NDUFB3: variants seen among roughly 807,000 people sequenced by gnomAD.
NDUFB3 encodes NADH:ubiquinone oxidoreductase subunit B3.
In NDUFB3, 7 loss-of-function variants were observed where a neutral mutation model predicts 9.0. The ratio of observed to expected loss-of-function variants is 0.78; its 90% CI spans 0.44 to 1.46. The LOEUF (loss-of-function observed/expected upper bound fraction) is 1.46. NDUFB3 is among the 40% of genes most tolerant of loss of function. The pLI, the probability that NDUFB3 is intolerant of heterozygous loss-of-function variation, is 0.01. For missense variants in NDUFB3, 93 were observed against 115.4 expected (o/e 0.81, Z 0.89); for synonymous variants, 29 against 38.5 (o/e 0.75, Z 0.91).
intron 1 of NDUFB3, among the ~76,000 whole-genome samples, chr2:201,078,249 C>A (rs982708392): frequency 6.6e-6 from 1 of 152,056 alleles, no homozygotes; most frequent in Non-Finnish European, 1.5e-5. Context: ...TTGCAGTGAG[C>A]CAAGATTGCA....
chr2:201,082,568 A>C (rs1480061057), intron 2 of NDUFB3, among the ~76,000 whole-genome samples: 1 of 152,038 alleles, frequency 6.6e-6, no homozygotes, highest in Admixed American at 6.6e-5. Flanking sequence ...CCCAGCTTGA[A>C]TTATTTTAAT....
In NDUFB3 at chr2:201,081,605, C is replaced by T. The variant is rs548775474; in HGVS notation, c.140+2583C>T. Reference sequence around the variant, plus strand: ...TTTATTGCTTTACGTACAGGTCTTGCACATATTTTATTAAATTTATACTGA... The same window carrying T: ...TTTATTGCTTTACGTACAGGTCTTGTACATATTTTATTAAATTTATACTGA... On this transcript the variant is annotated intron_variant, in intron 2 of 2. Coordinates refer to ENST00000237889, the MANE Select transcript of NDUFB3 (RefSeq NM_002491.3). 2.4e-3 allele frequency among the ~76,000 whole-genome samples: 364 copies of T among 152,074 alleles called. 3 individuals carry two copies. The highest frequency in any genetic ancestry group is 8.5e-3 in the African/African-American group (352 of 41,500).
intron 1 of NDUFB3, among the ~76,000 whole-genome samples, chr2:201,074,544 C>T (rs1028314916): frequency 6.6e-6 from 1 of 151,024 alleles, no homozygotes; most frequent in Non-Finnish European, 1.5e-5. Flanking sequence ...GCAACCTCCA[C>T]CTCCTGGGTT....
At chr2:201,082,791 G>A (rs1482223550) in intron 2 of NDUFB3, among the ~76,000 whole-genome samples, 1 of 137,030 alleles carries the variant, frequency 7.3e-6, no homozygotes, top group Non-Finnish European at 1.5e-5. Flanking sequence ...TCGGCTCACT[G>A]CAAGCTCCGC....
intron 1 of NDUFB3, chr2:201,072,384 T>C (rs2047089487): frequency 6.6e-6 from 1 of 152,232 alleles, no homozygotes; most frequent in Non-Finnish European, 1.5e-5. Flanking sequence ...CATTTGTTTT[T>C]TATGTTCTAA....
At chr2:201,084,827 C>T (rs925362862) in intron 2 of NDUFB3, among the ~76,000 whole-genome samples, 1 of 152,012 alleles carries the variant, frequency 6.6e-6, no homozygotes, top group African/African-American at 2.4e-5. Context: ...TTGGCTTGTC[C>T]TTATCAGACC....
intron 2 of NDUFB3, 149 bp from the exon 3 acceptor site, chr2:201,085,310 A>G (rs1159804803): frequency 7.4e-6 from 4 of 541,540 alleles, no homozygotes; most frequent in South Asian, 3.5e-5. Context: ...TAATTATCCT[A>G]TGCCACAGAA....
chr2:201,073,806 C>T (rs2047128992), intron 1 of NDUFB3, among the ~76,000 whole-genome samples: 1 of 151,778 alleles, frequency 6.6e-6, no homozygotes, highest in Non-Finnish European at 1.5e-5. Flanking sequence ...AGACTAGAGG[C>T]TTGATGTCTC....
At chr2:201,085,421 T>G in intron 2 of NDUFB3, 38 bp from the exon 3 acceptor site, 1 of 1,500,540 alleles carries the variant, frequency 6.7e-7, no homozygotes, top group Non-Finnish European at 9.1e-7. Context: ...TACACACACG[T>G]TGTGTATGAT....
chr2:201,074,368 C>G (rs911973680), intron 1 of NDUFB3, among the ~76,000 whole-genome samples: 1 of 151,692 alleles, frequency 6.6e-6, no homozygotes, highest in Non-Finnish European at 1.5e-5. Context: ...ATTTCAAGTG[C>G]TAGTGGCTAC....
chr2:201,073,370 C>T (rs1266513692), intron 1 of NDUFB3, among the ~76,000 whole-genome samples: 1 of 152,104 alleles, frequency 6.6e-6, no homozygotes, highest in Non-Finnish European at 1.5e-5. Context: ...GTATAATATT[C>T]TACAGTGTGA....
At chr2:201,083,276 T>C (rs1287134893) in intron 2 of NDUFB3, among the ~76,000 whole-genome samples, 2 of 152,054 alleles carry the variant, frequency 1.3e-5, no homozygotes, top group Non-Finnish European at 2.9e-5. Flanking sequence ...TACAGTGATC[T>C]CCTAGGTGCC....
At chr2:201,084,451 C>G (rs2047265880) in intron 2 of NDUFB3, among the ~76,000 whole-genome samples, 1 of 151,886 alleles carries the variant, frequency 6.6e-6, no homozygotes, top group African/African-American at 2.4e-5. Context: ...CAGATTGAGA[C>G]TCTGTCATAA....
intron 1 of NDUFB3, among the ~76,000 whole-genome samples, chr2:201,078,215 T>C (rs537591315): frequency 3.3e-5 from 5 of 152,226 alleles, no homozygotes; most frequent in Middle Eastern, 3.4e-3. Context: ...GGCAGGAGAA[T>C]GGCGTGAACC....
chr2:201,073,030 G>T (rs1266503720), intron 1 of NDUFB3, among the ~76,000 whole-genome samples: 1 of 151,990 alleles, frequency 6.6e-6, no homozygotes, highest in Non-Finnish European at 1.5e-5. Flanking sequence ...CATGGCGGGG[G>T]GTGTGATTAG....
chr2:201,084,113 A>AC (rs2047263205), intron 2 of NDUFB3, among the ~76,000 whole-genome samples: 1 of 152,054 alleles, frequency 6.6e-6, no homozygotes, highest in African/African-American at 2.4e-5. Flanking sequence ...ACATAGTGAA[A>AC]CCCCGTCTCT....
chr2:201,076,022 T>C (rs537415887), intron 1 of NDUFB3, among the ~76,000 whole-genome samples: 1 of 152,220 alleles, frequency 6.6e-6, no homozygotes, highest in East Asian at 1.9e-4. Context: ...TAAACACTTG[T>C]AATGGTCTTC....
intron 1 of NDUFB3, among the ~76,000 whole-genome samples, chr2:201,074,924 G>C (rs1158816336): frequency 1.3e-5 from 2 of 152,142 alleles, no homozygotes; most frequent in Admixed American, 1.3e-4. Context: ...CTGAAGTTCA[G>C]GGAAATTAAG....
At chr2:201,081,947 C>G (rs961188383) in intron 2 of NDUFB3, among the ~76,000 whole-genome samples, 1 of 151,866 alleles carries the variant, frequency 6.6e-6, no homozygotes, top group South Asian at 2.1e-4. Flanking sequence ...TCCCGAGTAG[C>G]TGGGACTACA....
Sources: allele counts gnomAD v4.1 joint callset (sites outside exome capture counted in the v4.1 genomes callset), GRCh38; gene constraint gnomAD v4.1.1; transcripts MANE v1.5; gene names NCBI Gene and HGNC (gene_info 2026-07-23, HGNC 2026-07-21).